The following PEX5L variants were observed in gnomAD, a reference collection of about 807,000 sequenced individuals.
The protein encoded by PEX5L is peroxisomal biogenesis factor 5 like, also known as PEX5-related protein.
Under a neutral mutation model 84.0 loss-of-function variants are expected in PEX5L, and 30 were observed. The observed-to-expected ratio is 0.36, with a 90% confidence interval of 0.27 to 0.48. PEX5L has a LOEUF of 0.48. Ranked by LOEUF, PEX5L falls within the 20% of genes least tolerant of loss-of-function variation. The pLI is 0.99. For synonymous variants in PEX5L, 270 were observed against 283.1 expected (o/e 0.95, Z 0.46); for missense variants, 533 against 754.6 (o/e 0.71, Z 3.44).
intron 8 of PEX5L, among the ~76,000 whole-genome samples, chr3:179,832,613 TACCCACCA>T (rs1733536804): frequency 7.4e-6 from 1 of 135,250 alleles, no homozygotes; most frequent in Non-Finnish European, 1.6e-5. Context: ...CCTACCCACC[TACCCACCA>T]ACCTTCCTAC....
intron 2 of PEX5L, among the ~76,000 whole-genome samples, chr3:179,941,265 T>G (rs377216295): frequency 1.7e-4 from 26 of 152,366 alleles, no homozygotes; most frequent in African/African-American, 5.5e-4. Context: ...CATTTATACG[T>G]TCACATTGTT....
chr3:179,946,181 G>A (rs1203250540), intron 2 of PEX5L, among the ~76,000 whole-genome samples: 1 of 152,174 alleles, frequency 6.6e-6, no homozygotes, highest in African/African-American at 2.4e-5. Context: ...GTAATTCACA[G>A]TGAGTGGAAA....
At chr3:179,959,006 G>A (rs1449614113) in intron 2 of PEX5L, among the ~76,000 whole-genome samples, 3 of 151,064 alleles carry the variant, frequency 2.0e-5, no homozygotes, top group South Asian at 4.2e-4. Context: ...CAGCCTGGAC[G>A]ACAGAGCGAG....
At position 179,797,601 on chromosome 3, in the gene PEX5L, A is replaced by ATATATATATATATATAT. The variant is rs1467137354; in HGVS notation, c.*4226_*4227insATATATATATATATATA. 1 of 107,082 alleles carries ATATATATATATATATAT rather than the reference A, an allele frequency of 9.3e-6. No individual in the cohort carries two copies. Among genetic ancestry groups the ATATATATATATATATAT allele is most frequent in the African/African-American group, 3.9e-5 (1 of 25,538 alleles). The allele number at this position is 107,082 out of a possible 1,614,324, so 6.6% of individuals were successfully genotyped here. On this transcript the variant is annotated 3_prime_UTR_variant, in exon 15 of 15. Coordinates refer to ENST00000467460, the MANE Select transcript of PEX5L (RefSeq NM_016559.3). ...TATGAACACTCTTTAAAAAAAAAAA[A>ATATATATATATATATAT]AAAAATATATATATATATATATATA...
At chr3:179,829,756 T>C (rs1267105010) in intron 8 of PEX5L, among the ~76,000 whole-genome samples, 2 of 149,876 alleles carry the variant, frequency 1.3e-5, no homozygotes, top group Non-Finnish European at 3.0e-5. Flanking sequence ...TGATAAATAA[T>C]TTAAACTTGC....
At chr3:179,996,080 C>T (rs1351261464) in intron 1 of PEX5L, among the ~76,000 whole-genome samples, 1 of 152,124 alleles carries the variant, frequency 6.6e-6, no homozygotes, top group Non-Finnish European at 1.5e-5. Flanking sequence ...AGAGTGGTGG[C>T]CTCCCTTGAG....
intron 1 of PEX5L, among the ~76,000 whole-genome samples, chr3:180,032,171 A>G (rs1791524149): frequency 6.6e-6 from 1 of 152,246 alleles, no homozygotes; most frequent in African/African-American, 2.4e-5. Flanking sequence ...ACACTTCAGA[A>G]TCTTGCTGGA....
At chr3:179,825,724 T>G (rs919819400) in intron 8 of PEX5L, among the ~76,000 whole-genome samples, 20 of 152,224 alleles carry the variant, frequency 1.3e-4, no homozygotes, top group Non-Finnish European at 2.5e-4. Flanking sequence ...CGTGACCTTA[T>G]GCAACTTAGT....
intron 2 of PEX5L, among the ~76,000 whole-genome samples, chr3:179,921,201 GACTCTA>G (rs1471265973): frequency 2.0e-5 from 3 of 151,896 alleles, no homozygotes; most frequent in African/African-American, 7.3e-5. Flanking sequence ...GATTTTTTAG[GACTCTA>G]GTCCTAAAAA....
chr3:180,005,160 G>A (rs56273619), intron 1 of PEX5L, among the ~76,000 whole-genome samples: 25,501 of 151,982 alleles, frequency 0.17, 2,915 homozygotes, highest in African/African-American at 0.33. Context: ...AATAGCATAC[G>A]GAATGGTAAA....
chr3:179,972,431 GATA>G (rs1426183071), intron 1 of PEX5L, among the ~76,000 whole-genome samples: 1 of 151,980 alleles, frequency 6.6e-6, no homozygotes, highest in Non-Finnish European at 1.5e-5. Flanking sequence ...ACAGCAGAAA[GATA>G]ATATGTCTGA....
chr3:179,997,280 T>C (rs147343560), intron 1 of PEX5L, among the ~76,000 whole-genome samples: 6,195 of 152,162 alleles, frequency 0.041, 408 homozygotes, highest in African/African-American at 0.14. Flanking sequence ...CAAAACAGCA[T>C]TGTGGTCCTC....
At chr3:179,963,246 ATGGC>A (rs56207963) in intron 2 of PEX5L, among the ~76,000 whole-genome samples, 111,055 of 151,552 alleles carry the variant, frequency 0.73, 40,948 homozygotes, top group East Asian at 0.96. Flanking sequence ...ACTCACAGAG[ATGGC>A]TAGGCTGGCA....
intron 1 of PEX5L, among the ~76,000 whole-genome samples, chr3:180,002,884 CAAT>C (rs1486397768): frequency 6.6e-6 from 1 of 151,986 alleles, no homozygotes; most frequent in Non-Finnish European, 1.5e-5. Flanking sequence ...AATCAGGAAA[CAAT>C]TGCAATAACA....
intron 3 of PEX5L, among the ~76,000 whole-genome samples, chr3:179,889,045 G>A (rs1756810668): frequency 6.6e-6 from 1 of 152,084 alleles, no homozygotes; most frequent in South Asian, 2.1e-4. Flanking sequence ...CTAAAGTGTT[G>A]AGATTACAGG....
chr3:179,867,464 C>T (rs1337695664), intron 7 of PEX5L, among the ~76,000 whole-genome samples: 2 of 152,100 alleles, frequency 1.3e-5, no homozygotes, highest in Non-Finnish European at 2.9e-5. Flanking sequence ...TGCCTGCCTG[C>T]CTTCTTTCTT....
chr3:179,961,224 T>G (rs1440943836), intron 2 of PEX5L, among the ~76,000 whole-genome samples: 1 of 151,924 alleles, frequency 6.6e-6, no homozygotes, highest in Non-Finnish European at 1.5e-5. Flanking sequence ...TGTGTGTGTG[T>G]GTGTGTTTCC....
chr3:179,999,196 A>C (rs9870941), intron 1 of PEX5L, among the ~76,000 whole-genome samples: 30,007 of 152,148 alleles, frequency 0.2, 3,609 homozygotes, highest in African/African-American at 0.35. Flanking sequence ...AATTTGGGGA[A>C]AAGGTATGTG....
chr3:179,993,640 C>T (rs376727925), intron 1 of PEX5L, among the ~76,000 whole-genome samples: 388 of 152,204 alleles, frequency 2.5e-3, no homozygotes, highest in African/African-American at 8.6e-3. Context: ...GCTGGGATTA[C>T]AGGCACACAC....
Sources: gnomAD v4.1 joint callset for allele counts (sites outside exome capture counted in the v4.1 genomes callset) on GRCh38, gnomAD v4.1.1 for gene constraint, MANE v1.5 for transcripts, NCBI Gene and HGNC (gene_info 2026-07-23, HGNC 2026-07-21) for gene names.